The following PIP4P2 variants were observed in gnomAD, a reference collection of about 807,000 sequenced individuals.
PIP4P2 encodes the protein type 2 phosphatidylinositol 4,5-bisphosphate 4-phosphatase.
PIP4P2 carries 19 observed loss-of-function variants against 33.3 expected under a neutral mutation model. That is an observed-to-expected ratio of 0.57 (90% CI 0.40 to 0.84). The LOEUF is 0.84. Ranked by LOEUF, PIP4P2 falls within the 40% of genes least tolerant of loss-of-function variation. The probability of loss-of-function intolerance (pLI) is 0.00; values close to 1 mark genes in which losing one functional copy is unlikely to be tolerated. For synonymous variants in PIP4P2, 110 were observed against 111.9 expected (o/e 0.98, Z 0.11); for missense variants, 270 against 324.7 (o/e 0.83, Z 1.29).
chr8:91,023,071 T>C (rs1812033972), intron 1 of PIP4P2, among the ~76,000 whole-genome samples: 1 of 152,100 alleles, frequency 6.6e-6, no homozygotes, highest in African/African-American at 2.4e-5. Context: ...GTCAACAATA[T>C]ACTTAAGGTC....
chr8:91,033,146 G>A (rs1367696516), intron 1 of PIP4P2, among the ~76,000 whole-genome samples: 1 of 152,182 alleles, frequency 6.6e-6, no homozygotes, highest in Admixed American at 6.5e-5. Context: ...AATAATTGTT[G>A]AATGAAATTT....
intron 5 of PIP4P2, among the ~76,000 whole-genome samples, chr8:91,000,219 A>G (rs1439120064): frequency 6.6e-6 from 1 of 151,922 alleles, no homozygotes; most frequent in Non-Finnish European, 1.5e-5. Context: ...TTTCAGTTTT[A>G]TTGTATTTTT....
At chr8:91,025,379 A>C (rs1812069430) in intron 1 of PIP4P2, among the ~76,000 whole-genome samples, 1 of 152,174 alleles carries the variant, frequency 6.6e-6, no homozygotes, top group South Asian at 2.1e-4. Context: ...TACATTTCTC[A>C]TCACATTTAC....
chr8:90,994,602 G>A lies in PIP4P2; in HGVS notation c.*1075C>T, dbSNP rs1811604323. On this transcript the variant is annotated 3_prime_UTR_variant, in exon 7 of 7. Transcript: ENST00000285419. ...TTCCATAAATTTCAATGAATTCTTA[G>A]AAAATTATGTTGTTCTTTATTTCTG... 1 of 152,440 alleles carries A rather than the reference G, an allele frequency of 6.6e-6. No homozygotes were observed. The highest frequency in any genetic ancestry group is 6.6e-5 in the Admixed American group (1 of 15,250). The allele number at this position is 152,440 out of a possible 1,614,324, so 9.4% of individuals were successfully genotyped here.
chr8:91,026,992 G>T (rs1280236368), intron 1 of PIP4P2, among the ~76,000 whole-genome samples: 2 of 152,194 alleles, frequency 1.3e-5, no homozygotes, highest in African/African-American at 2.4e-5. Context: ...CAGAAAATGA[G>T]AAGCTCCGGT....
intron 5 of PIP4P2, among the ~76,000 whole-genome samples, chr8:90,997,392 A>C (rs570772031): frequency 2.0e-5 from 3 of 152,226 alleles, no homozygotes; most frequent in Non-Finnish European, 2.9e-5. Context: ...AATGCCAACA[A>C]AGTATCATTT....
intron 5 of PIP4P2, among the ~76,000 whole-genome samples, chr8:90,997,510 A>G (rs964406770): frequency 2.0e-5 from 3 of 152,120 alleles, no homozygotes; most frequent in Non-Finnish European, 4.4e-5. Context: ...ACATACTGCT[A>G]AAAGCCCTCT....
chr8:91,020,344 G>C, intron 2 of PIP4P2, 81 bp from the exon 3 acceptor site: 1 of 1,276,470 alleles, frequency 7.8e-7, no homozygotes, highest in Non-Finnish European at 1.1e-6. Flanking sequence ...AAAAAGGAAA[G>C]GATTCCATTA....
chr8:91,021,160 C>A, intron 2 of PIP4P2, 96 bp downstream of exon 2: 1 of 1,388,776 alleles, frequency 7.2e-7, no homozygotes, highest in South Asian at 1.3e-5. Context: ...GTATCCAGCC[C>A]ACATATACTT....
intron 1 of PIP4P2, among the ~76,000 whole-genome samples, chr8:91,031,750 C>T (rs543228988): frequency 6.6e-6 from 1 of 152,262 alleles, no homozygotes; most frequent in South Asian, 2.1e-4. Flanking sequence ...TATTATCTTT[C>T]TCATTTCTAA....
chr8:91,037,490 A>C (rs1812247840), intron 1 of PIP4P2, among the ~76,000 whole-genome samples: 3 of 152,332 alleles, frequency 2.0e-5, no homozygotes, highest in South Asian at 4.1e-4. Context: ...TATACTCTCA[A>C]GGTATTGCAT....
chr8:91,009,957 C>A (rs1044192195), intron 4 of PIP4P2, among the ~76,000 whole-genome samples: 2 of 151,800 alleles, frequency 1.3e-5, no homozygotes, highest in Non-Finnish European at 2.9e-5. Flanking sequence ...ACTCTCTTTA[C>A]AAAATGATTA....
chr8:91,025,621 CT>C (rs1812072633), intron 1 of PIP4P2, among the ~76,000 whole-genome samples: 1 of 152,144 alleles, frequency 6.6e-6, no homozygotes, highest in Non-Finnish European at 1.5e-5. Flanking sequence ...ATATGCAGCC[CT>C]TCAGGCTCTT....
At chr8:91,001,711 G>A (rs1811702319) in intron 5 of PIP4P2, among the ~76,000 whole-genome samples, 1 of 151,854 alleles carries the variant, frequency 6.6e-6, no homozygotes, top group African/African-American at 2.4e-5. Context: ...AGTTTTTAGA[G>A]GTCTAATTAT....
chr8:91,018,778 T>C (rs1325501719), intron 3 of PIP4P2: 3 of 332,462 alleles, frequency 9.0e-6, no homozygotes, highest in East Asian at 5.4e-5. Flanking sequence ...TCCAAGTTTT[T>C]GTAAGTTCAA....
At chr8:91,008,666 A>T in intron 5 of PIP4P2, 77 bp downstream of exon 5, 2 of 1,367,434 alleles carry the variant, frequency 1.5e-6, no homozygotes, top group Non-Finnish European at 2.1e-6. Flanking sequence ...ATCAAAATCT[A>T]CTTAAGTGAA....
At chr8:91,008,220 T>C (rs1811787728) in intron 5 of PIP4P2, among the ~76,000 whole-genome samples, 1 of 152,200 alleles carries the variant, frequency 6.6e-6, no homozygotes, top group Non-Finnish European at 1.5e-5. Flanking sequence ...TCTTCTATTA[T>C]TTTTCATTTT....
At chr8:91,037,583 A>G (rs1812249200) in intron 1 of PIP4P2, among the ~76,000 whole-genome samples, 1 of 152,174 alleles carries the variant, frequency 6.6e-6, no homozygotes, top group Non-Finnish European at 1.5e-5. Flanking sequence ...TACCCCCACT[A>G]CACTGGAAGA....
At chr8:91,028,662 C>T (rs1683488598) in intron 1 of PIP4P2, among the ~76,000 whole-genome samples, 1 of 152,158 alleles carries the variant, frequency 6.6e-6, no homozygotes. Context: ...TAGGAATGGC[C>T]AAGTGGCAGT....
Sources: gnomAD v4.1 joint callset for allele counts (sites outside exome capture counted in the v4.1 genomes callset) on GRCh38, gnomAD v4.1.1 for gene constraint, MANE v1.5 for transcripts, NCBI Gene and HGNC (gene_info 2026-07-23, HGNC 2026-07-21) for gene names.